The following CCDC170 variants were observed in gnomAD, a reference collection of about 807,000 sequenced individuals.
CCDC170 encodes the protein coiled-coil domain containing 170.
A neutral mutation model predicts 72.6 loss-of-function variants in CCDC170; 69 were observed. The observed-to-expected ratio is 0.95, with a 90% CI of 0.78 to 1.16. The LOEUF (loss-of-function observed/expected upper bound fraction) is 1.16, where lower values mean the gene tolerates loss of function less well. CCDC170 is among the 50% of genes most tolerant of loss of function. The probability of loss-of-function intolerance (pLI) is 0.00; values close to 1 mark genes in which losing one functional copy is unlikely to be tolerated. For synonymous variants in CCDC170, 300 were observed against 303.9 expected (o/e 0.99, Z 0.13); for missense variants, 852 against 832.5 (o/e 1.02, Z -0.29).
At chr6:151,610,381 A>C (rs1776851322) in intron 9 of CCDC170, among the ~76,000 whole-genome samples, 1 of 152,220 alleles carries the variant, frequency 6.6e-6, no homozygotes, top group African/African-American at 2.4e-5. Context: ...TCTAAGCTGT[A>C]GAAAATGGCA....
intron 1 of CCDC170, among the ~76,000 whole-genome samples, chr6:151,513,811 T>G (rs937821881): frequency 6.7e-6 from 1 of 149,084 alleles, no homozygotes; most frequent in African/African-American, 2.5e-5. Flanking sequence ...TCCCACCTAC[T>G]CCGGAGGCTG....
chr6:151,566,701 G>A (rs1426196726), intron 5 of CCDC170, among the ~76,000 whole-genome samples: 1 of 152,086 alleles, frequency 6.6e-6, no homozygotes, highest in Non-Finnish European at 1.5e-5. Context: ...TGAATCACTA[G>A]TATCACTATT....
At chr6:151,537,999 T>A in intron 2 of CCDC170, 46 bp from the exon 3 acceptor site, 2 of 1,539,398 alleles carry the variant, frequency 1.3e-6, no homozygotes, top group Non-Finnish European at 1.7e-6. Context: ...AATTCAAACT[T>A]ATGTTGTTAA....
chr6:151,577,462 G>A (rs1169497943), intron 6 of CCDC170, among the ~76,000 whole-genome samples: 2 of 152,216 alleles, frequency 1.3e-5, no homozygotes, highest in African/African-American at 4.8e-5. Flanking sequence ...CTTGCACAAT[G>A]ACAGAAAGTT....
Position 151,618,391 on chromosome 6 carries a change from A to C in CCDC170, c.*244A>C, listed in dbSNP as rs1777004005. The stretch of plus-strand genomic sequence containing the variant: ...ATCCAGAAGAATTCCACCAGATTGC[A>C]TGAGTTAGATTGGGAAATGGGAGTG... On this transcript the variant is annotated 3_prime_UTR_variant, in exon 11 of 11. Coordinates refer to ENST00000239374, the MANE Select transcript of CCDC170 (RefSeq NM_025059.4). 11 of 489,704 alleles carry C rather than the reference A, an allele frequency of 2.2e-5. No individual in the cohort carries two copies. The East Asian group carries it at 3.7e-4, about 16-fold the overall frequency. 30.3% of individuals were successfully genotyped at this position (489,704 alleles called of 1,614,324 possible). A position where few individuals can be genotyped will look rare whatever the true frequency, so the allele number is the denominator to read the frequency against.
At chr6:151,547,554 G>T (rs927409035) in intron 4 of CCDC170, among the ~76,000 whole-genome samples, 2 of 151,988 alleles carry the variant, frequency 1.3e-5, no homozygotes, top group Admixed American at 6.6e-5. Context: ...TGGGAGTGGG[G>T]CACCATGTTT....
chr6:151,539,631 T>C (rs1237276005), intron 3 of CCDC170, among the ~76,000 whole-genome samples: 1 of 152,248 alleles, frequency 6.6e-6, no homozygotes, highest in East Asian at 1.9e-4. Context: ...GGTGATATCA[T>C]TTAGTTTCAT....
intron 9 of CCDC170, among the ~76,000 whole-genome samples, chr6:151,597,683 A>G (rs1255669181): frequency 6.6e-6 from 1 of 152,256 alleles, no homozygotes; most frequent in Non-Finnish European, 1.5e-5. Context: ...CAAGGTGTTC[A>G]ACTTCTAACG....
chr6:151,576,049 G>A (rs1319087154), intron 6 of CCDC170, among the ~76,000 whole-genome samples: 1 of 152,168 alleles, frequency 6.6e-6, no homozygotes, highest in Non-Finnish European at 1.5e-5. Flanking sequence ...TCCAGCTCAT[G>A]AAAATTTAAT....
intron 1 of CCDC170, among the ~76,000 whole-genome samples, chr6:151,497,071 G>A (rs1701722915): frequency 1.3e-5 from 2 of 152,210 alleles, no homozygotes; most frequent in Non-Finnish European, 2.9e-5. Context: ...GAATCTGTAG[G>A]AGGGACAGAG....
chr6:151,534,291 G>A (rs1383917293), intron 1 of CCDC170, among the ~76,000 whole-genome samples: 1 of 151,680 alleles, frequency 6.6e-6, no homozygotes, highest in African/African-American at 2.4e-5. Flanking sequence ...CTGGGCTCAA[G>A]TGATCCTCTT....
chr6:151,494,205 CCG>C lies in CCDC170; in HGVS notation c.57+27_57+28del. The C allele has an allele frequency of 6.7e-7, 1 of 1,497,588 alleles. No individual in the cohort carries two copies. 92.8% of individuals were successfully genotyped at this position (1,497,588 alleles called of 1,614,324 possible). The stretch of plus-strand genomic sequence containing the variant: ...CCCGAGGTACGGTCCCAGCCGCCGG[CCG>C]CGCGCGGGGGTGGCCCTGGGGATAG... On this transcript the variant is annotated intron_variant, in intron 1 of 10. Coordinates refer to ENST00000239374, the MANE Select transcript of CCDC170 (RefSeq NM_025059.4).
At chr6:151,558,946 G>C (rs375843149) in intron 5 of CCDC170, among the ~76,000 whole-genome samples, 2 of 150,922 alleles carry the variant, frequency 1.3e-5, no homozygotes, top group South Asian at 4.2e-4. Flanking sequence ...TTAATGTTTC[G>C]ACAGGGATTA....
In CCDC170 at chr6:151,594,978, T is replaced by G. The variant is rs559908589; in HGVS notation, c.1468-1357T>G. 1.1e-4 allele frequency among the ~76,000 whole-genome samples: 17 copies of G among 152,284 alleles called. 2 individuals carry two copies. Among genetic ancestry groups the G allele is most frequent in the Admixed American group, 1.1e-3 (17 of 15,288 alleles). ...GAGTGGAATTTGACATGAAGAAGCT[T>G]AAGAAAGGGAATTTGATTAGATAAA... On this transcript the variant is annotated intron_variant, in intron 8 of 10. Transcript: ENST00000239374.
At chr6:151,598,904 T>A (rs1232059310) in intron 9 of CCDC170, among the ~76,000 whole-genome samples, 1 of 152,188 alleles carries the variant, frequency 6.6e-6, no homozygotes, top group African/African-American at 2.4e-5. Flanking sequence ...GATTGTAGGA[T>A]GTGCGGGTGT....
At chr6:151,614,995 C>G (rs1289089099) in intron 9 of CCDC170, among the ~76,000 whole-genome samples, 1 of 152,140 alleles carries the variant, frequency 6.6e-6, no homozygotes, top group African/African-American at 2.4e-5. Flanking sequence ...TGAAGACTTG[C>G]TGAGGTGGAT....
At chr6:151,617,307 C>A (rs1278327184) in intron 10 of CCDC170, among the ~76,000 whole-genome samples, 3 of 151,944 alleles carry the variant, frequency 2.0e-5, no homozygotes, top group Non-Finnish European at 4.4e-5. Context: ...AGAGCAGTCC[C>A]ATGGAATATG....
intron 7 of CCDC170, among the ~76,000 whole-genome samples, chr6:151,587,622 C>T (rs1199250030): frequency 1.3e-5 from 2 of 152,164 alleles, no homozygotes; most frequent in Non-Finnish European, 1.5e-5. Context: ...AATCATCATG[C>T]CTGCATTGAG....
intron 9 of CCDC170, among the ~76,000 whole-genome samples, chr6:151,606,308 T>A (rs1011544806): frequency 3.0e-4 from 46 of 152,366 alleles, no homozygotes; most frequent in African/African-American, 1.1e-3. Flanking sequence ...CGGGTTTTAA[T>A]ATGTTGTGCT....
Sources: gnomAD v4.1 joint callset for allele counts (sites outside exome capture counted in the v4.1 genomes callset) on GRCh38, gnomAD v4.1.1 for gene constraint, MANE v1.5 for transcripts, NCBI Gene and HGNC (gene_info 2026-07-23, HGNC 2026-07-21) for gene names.